The following C5 variants were observed in gnomAD, a reference collection of about 807,000 sequenced individuals.
The protein encoded by C5 is C3 and PZP-like alpha-2-macroglobulin domain-containing protein 4.
In C5, 140 loss-of-function variants were observed where a neutral mutation model predicts 218.8. That is an observed-to-expected ratio of 0.64 (90% CI 0.56 to 0.74). The LOEUF (loss-of-function observed/expected upper bound fraction) is 0.74. C5 is among the 30% of genes least tolerant of loss of function. The probability of loss-of-function intolerance (pLI) is 0.00; values close to 1 mark genes in which losing one functional copy is unlikely to be tolerated. For synonymous variants in C5, 614 were observed against 682.3 expected, an observed-to-expected ratio of 0.90 and a Z score of 1.56; for missense variants, 1,700 against 1,969.6, an observed-to-expected ratio of 0.86 and a Z score of 2.59.
At chr9:120,966,424 T>C (rs947628436) in intron 33 of C5, among the ~76,000 whole-genome samples, 1 of 152,170 alleles carries the variant, frequency 6.6e-6, no homozygotes, top group African/African-American at 2.4e-5. Context: ...TAGAAGAGGA[T>C]TGGAGAAGTA....
At chr9:120,985,268 C>T (rs1384005643) in intron 25 of C5, among the ~76,000 whole-genome samples, 1 of 152,158 alleles carries the variant, frequency 6.6e-6, no homozygotes, top group Non-Finnish European at 1.5e-5. Context: ...TTGTTCCAGA[C>T]CCTAGGCTAC....
At chr9:120,961,351 C>T (rs2046825910) in intron 37 of C5, 131 bp downstream of exon 37, 1 of 701,026 alleles carries the variant, frequency 1.4e-6, no homozygotes, top group Non-Finnish European at 2.6e-6. Flanking sequence ...CATTAGCTTT[C>T]AATTAGCTGA....
chr9:121,074,585 G>A, the C5 span, among the ~76,000 whole-genome samples: 1 of 152,238 alleles, frequency 6.6e-6, no homozygotes, highest in Admixed American at 6.5e-5. Flanking sequence ...GGGGAGGCCG[G>A]GGAGGCGCTG....
intron 4 of C5, among the ~76,000 whole-genome samples, chr9:121,035,953 G>A (rs965410365): frequency 6.6e-6 from 1 of 151,912 alleles, no homozygotes; most frequent in African/African-American, 2.4e-5. Context: ...AGGAAGCTGA[G>A]GTGGGAGGAT....
At chr9:120,953,072 T>C (rs950521681) in intron 40 of C5, among the ~76,000 whole-genome samples, 2 of 152,166 alleles carry the variant, frequency 1.3e-5, no homozygotes, top group Admixed American at 6.5e-5. Context: ...TACAGGTGCC[T>C]GCCACCACGC....
At chr9:120,954,196 C>T (rs1443826458) in intron 39 of C5, among the ~76,000 whole-genome samples, 1 of 152,078 alleles carries the variant, frequency 6.6e-6, no homozygotes, top group Admixed American at 6.6e-5. Context: ...ATGAAAAGTG[C>T]CTGGAACATA....
intron 40 of C5, among the ~76,000 whole-genome samples, chr9:120,953,366 GC>G (rs2046760734): frequency 6.6e-6 from 1 of 152,212 alleles, no homozygotes; most frequent in Admixed American, 6.5e-5. Context: ...CATATTAAAG[GC>G]AGAAAGTACA....
intron 17 of C5, among the ~76,000 whole-genome samples, chr9:121,013,023 TAAAGAC>T (rs1240188009): frequency 2.0e-5 from 3 of 152,128 alleles, no homozygotes; most frequent in African/African-American, 7.2e-5. Flanking sequence ...CTTGTTTTGT[TAAAGAC>T]TATACATAGG....
intron 17 of C5, among the ~76,000 whole-genome samples, chr9:121,009,240 C>G (rs779848715): frequency 6.6e-6 from 1 of 152,082 alleles, no homozygotes; most frequent in Non-Finnish European, 1.5e-5. Context: ...ATATAAGATG[C>G]CTTAATAGAA....
chr9:120,989,948 A>T (rs1391877374), intron 23 of C5, among the ~76,000 whole-genome samples, 168 bp from the exon 24 acceptor site: 1 of 152,170 alleles, frequency 6.6e-6, no homozygotes, highest in Non-Finnish European at 1.5e-5. Flanking sequence ...TAGGAACATG[A>T]ATTTGAAAGA....
chr9:121,062,650 G>T, the C5 span, among the ~76,000 whole-genome samples: 1 of 152,028 alleles, frequency 6.6e-6, no homozygotes, highest in African/African-American at 2.4e-5. Flanking sequence ...GCTTCCCTTG[G>T]GTTCTGTGAT....
chr9:121,027,311 G>C lies in C5; in HGVS notation c.759-37C>G, dbSNP rs552282283. ...TAGCATAAAACTGTTTTACTAACAT[G>C]GTTACAATAACAGGATTCAGATAAA... is the stretch of plus-strand genomic sequence containing the variant. On this transcript the variant is annotated intron_variant, in intron 7 of 40. Coordinates refer to ENST00000223642, the MANE Select transcript of C5 (RefSeq NM_001735.3). 131 of 960,310 alleles carry C rather than the reference G, an allele frequency of 1.4e-4. 4 individuals carry two copies. The South Asian group carries it at 1.7e-3, about 13-fold the overall frequency. 59.5% of individuals were successfully genotyped at this position (960,310 alleles called of 1,614,324 possible). A position where few individuals can be genotyped will look rare whatever the true frequency, so the allele number is the denominator to read the frequency against.
intron 26 of C5, among the ~76,000 whole-genome samples, chr9:120,982,237 C>T (rs1411990293): frequency 3.3e-5 from 5 of 152,186 alleles, no homozygotes; most frequent in Non-Finnish European, 7.4e-5. Context: ...GTTTTGAACT[C>T]CTGACCTCAT....
chr9:121,009,484 G>C (rs999476822), intron 17 of C5, among the ~76,000 whole-genome samples: 1 of 152,248 alleles, frequency 6.6e-6, no homozygotes, highest in Non-Finnish European at 1.5e-5. Flanking sequence ...GAATGAGGGA[G>C]AGTTCCAGGA....
intron 20 of C5, among the ~76,000 whole-genome samples, chr9:121,001,755 G>A (rs1234850913): frequency 2.0e-5 from 3 of 152,024 alleles, no homozygotes; most frequent in African/African-American, 7.3e-5. Context: ...GCATACACTT[G>A]GTAAGAATGT....
chr9:120,956,985 T>A, intron 39 of C5: 3 of 352,496 alleles, frequency 8.5e-6, no homozygotes, highest in South Asian at 2.3e-5. Flanking sequence ...AATTTACCCA[T>A]GTAGCAAATT....
rs1047625627 is a variant in C5 at position 121,006,754 on chromosome 9, C to T, written c.2422+150G>A. 6 of 639,802 alleles carry T rather than the reference C, an allele frequency of 9.4e-6. No homozygotes were observed. In the Admixed American group the frequency reaches 1.0e-4, roughly 11 times the overall value. 39.6% of individuals were successfully genotyped at this position (639,802 alleles called of 1,614,324 possible). On this transcript the variant is annotated intron_variant, in intron 19 of 40. Transcript: ENST00000223642. ...AATATGTTCAAAGATGTGGGTATAT[C>T]CAAGTCTTTTGGTAATACATAAAAA...
intron 11 of C5, 130 bp from the exon 12 acceptor site, chr9:121,020,309 A>C: frequency 1.3e-6 from 1 of 750,560 alleles, no homozygotes; most frequent in Non-Finnish European, 2.3e-6. Context: ...AAGGGGAAAA[A>C]ACCCTCCATT....
chr9:120,961,554 T>C lies in C5; in HGVS notation c.4516A>G (p.Thr1506Ala). 1 of 1,609,716 alleles carries C rather than the reference T, an allele frequency of 6.2e-7. No individual in the cohort carries two copies. Residue 1506 changes from threonine to alanine, a missense_variant, in exon 37 of 41, where the codon ACC (threonine) becomes GCC (alanine). Transcript: ENST00000223642. ...ATATTGGAAGTGCTATAAAACATGG[T>C]ACACTGTTTATCTGTGGCAACAAAA... ...YEYHRPDKQCTMFYSTSNIKI... is the reference protein window; with the variant it reads ...YEYHRPDKQCAMFYSTSNIKI...
Sources: allele counts gnomAD v4.1 joint callset (sites outside exome capture counted in the v4.1 genomes callset), GRCh38; gene constraint gnomAD v4.1.1; transcripts MANE v1.5; gene names NCBI Gene and HGNC (gene_info 2026-07-23, HGNC 2026-07-21).